OSBPL1A: variants seen among roughly 807,000 people sequenced by gnomAD.
The protein encoded by OSBPL1A is oxysterol-binding protein-related protein 1.
OSBPL1A carries 80 observed loss-of-function variants against 137.1 expected under a neutral mutation model. That is an observed-to-expected ratio of 0.58 (90% CI 0.49 to 0.70). The LOEUF is 0.70. OSBPL1A is among the 30% of genes least tolerant of loss of function. The pLI is 0.00. For missense variants in OSBPL1A, 970 were observed against 1,129.4 expected (o/e 0.86, Z 2.02); for synonymous variants, 365 against 389.7 (o/e 0.94, Z 0.75).
At position 24,377,468 on chromosome 18, in the gene OSBPL1A, TCTTA is replaced by T. The variant is rs1906272539; in HGVS notation, c.62_65del (p.Val21AspfsTer4). The T allele has an allele frequency of 1.2e-6, 2 of 1,612,778 alleles. No individual in the cohort carries two copies. The highest frequency in any genetic ancestry group is 1.3e-5 in the African/African-American group (1 of 75,030). ...TCCTCGCCATGGTCTCTAATAGTTGTCTTACTTCTTCAGCATTGCCATTTCTGGC... is the reference window on the plus strand; with the variant it reads ...TCCTCGCCATGGTCTCTAATAGTTGTCTTCTTCAGCATTGCCATTTCTGGC... On this transcript the variant is annotated frameshift_variant, in exon 2 of 28. Coordinates refer to ENST00000319481, the MANE Select transcript of OSBPL1A (RefSeq NM_080597.4). LOFTEE classifies it high-confidence loss of function.
At chr18:24,292,155 C>T (rs1439767732) in intron 14 of OSBPL1A, among the ~76,000 whole-genome samples, 1 of 152,118 alleles carries the variant, frequency 6.6e-6, no homozygotes, top group African/African-American at 2.4e-5. Context: ...TGGAAGATAA[C>T]TATAACCCAG....
At chr18:24,258,485 G>A (rs2089348610) in intron 15 of OSBPL1A, among the ~76,000 whole-genome samples, 1 of 152,148 alleles carries the variant, frequency 6.6e-6, no homozygotes, top group African/African-American at 2.4e-5. Context: ...AAGGGTAGTG[G>A]GGCAGGGTTG....
Position 24,294,317 on chromosome 18 carries a change from C to G in OSBPL1A, c.1174+9320G>C, listed in dbSNP as rs547537068. Among the ~76,000 whole-genome samples the G allele has an allele frequency of 2.0e-5, 3 of 152,050 alleles. No individual in the cohort carries two copies. In the East Asian group the frequency reaches 5.8e-4, roughly 29 times the overall value. On this transcript the variant is annotated intron_variant, in intron 14 of 27. Coordinates refer to ENST00000319481, the MANE Select transcript of OSBPL1A (RefSeq NM_080597.4). ...CGCGATCTCGGCTCACTGCAACCTCCTCCTCCTGGGTTCAAGCGATTCTTC... is the reference window on the plus strand; with the variant it reads ...CGCGATCTCGGCTCACTGCAACCTCGTCCTCCTGGGTTCAAGCGATTCTTC...
chr18:24,210,251 C>A (rs1474473697), intron 17 of OSBPL1A, among the ~76,000 whole-genome samples: 1 of 151,916 alleles, frequency 6.6e-6, no homozygotes, highest in African/African-American at 2.4e-5. Context: ...ATGTTGAAAC[C>A]CCGTCTCTAC....
At chr18:24,318,526 A>G (rs1414527741) in intron 9 of OSBPL1A, 75 bp downstream of exon 9, 1 of 1,272,306 alleles carries the variant, frequency 7.9e-7, no homozygotes, top group African/African-American at 1.5e-5. Context: ...TGATTTTTTA[A>G]AAGTTTTAAA....
At chr18:24,380,714 G>T (rs1048603690) in intron 1 of OSBPL1A, among the ~76,000 whole-genome samples, 2 of 152,212 alleles carry the variant, frequency 1.3e-5, no homozygotes, top group East Asian at 3.9e-4. Context: ...CACTTTGGGA[G>T]ACTGAGGCGG....
At chr18:24,224,699 C>A (rs1187218318) in intron 17 of OSBPL1A, among the ~76,000 whole-genome samples, 1 of 152,138 alleles carries the variant, frequency 6.6e-6, no homozygotes, top group East Asian at 1.9e-4. Context: ...ACTAAAATAG[C>A]AATGGAAGGC....
chr18:24,176,874 C>T (rs991565762), intron 21 of OSBPL1A, among the ~76,000 whole-genome samples: 5 of 152,144 alleles, frequency 3.3e-5, no homozygotes, highest in African/African-American at 4.8e-5. Context: ...CATAATGCAG[C>T]TTCAGGGGAC....
chr18:24,247,528 T>TCTCAGCTCACTGCAAC (rs1459307636), intron 15 of OSBPL1A, among the ~76,000 whole-genome samples: 4 of 152,280 alleles, frequency 2.6e-5, no homozygotes, highest in African/African-American at 9.6e-5. Context: ...GGCAGTGTGA[T>TCTCAGCTCACTGCAAC]CTCAGCTCAC....
intron 1 of OSBPL1A, among the ~76,000 whole-genome samples, chr18:24,382,727 T>G (rs1304232554): frequency 6.6e-6 from 1 of 151,468 alleles, no homozygotes; most frequent in Non-Finnish European, 1.5e-5. Flanking sequence ...ATACAAAAAT[T>G]AAGCCAGGCA....
At position 24,266,826 on chromosome 18, in the gene OSBPL1A, C is replaced by T. The variant is rs561070530; in HGVS notation, c.1281+14016G>A. Among the ~76,000 whole-genome samples the T allele has an allele frequency of 1.4e-3, 213 of 151,954 alleles. 2 individuals are homozygous for T. The highest frequency in any genetic ancestry group is 4.8e-3 in the African/African-American group (200 of 41,452). Reference sequence around the variant, plus strand: ...GAAATTACAAAAAATGCTAGAACTACGAAATATACAACTAGAAATCCAGAA... The same window carrying T: ...GAAATTACAAAAAATGCTAGAACTATGAAATATACAACTAGAAATCCAGAA... On this transcript the variant is annotated intron_variant, in intron 15 of 27. Transcript: ENST00000319481.
rs1041761441 is a variant in OSBPL1A, at chr18:24,271,523, T to C, written c.1281+9319A>G. The C allele has an allele frequency of 3.4e-4, 337 of 977,854 alleles. No homozygotes were observed. Among genetic ancestry groups the C allele is most frequent in the Middle Eastern group, 5.2e-4 (1 of 1,924 alleles). The allele number at this position is 977,854 out of a possible 1,614,324, so 60.6% of individuals were successfully genotyped here. ...CTATTCTTGGATCTACTCACATCCC[T>C]GGATCAAGTCTGGCCGCCCTCCCCG... is the stretch of plus-strand genomic sequence containing the variant. On this transcript the variant is annotated intron_variant, in intron 15 of 27. Transcript: ENST00000319481. The surrounding 1 kb of genome is among the most constrained non-coding windows in gnomAD (Gnocchi z 4.0).
At position 24,324,150 on chromosome 18, in the gene OSBPL1A, A is replaced by G. The variant is rs1383285045; in HGVS notation, c.626-5341T>C. Among the ~76,000 whole-genome samples, 104 of 68,732 alleles carry G rather than the reference A, an allele frequency of 1.5e-3. 25 individuals carry two copies. The highest frequency in any genetic ancestry group is 2.7e-3 in the Admixed American group (23 of 8,594). 45.1% of individuals were successfully genotyped at this position (68,732 alleles called of 152,430 possible). A position where few individuals can be genotyped will look rare whatever the true frequency, so the allele number is the denominator to read the frequency against. Reference sequence around the variant, plus strand: ...AGGCAGAGAACTGCTTGAACCCGGGAGGCGGAGGTTGCAGTGAGCTGAGAT... The same window carrying G: ...AGGCAGAGAACTGCTTGAACCCGGGGGGCGGAGGTTGCAGTGAGCTGAGAT... On this transcript the variant is annotated intron_variant, in intron 7 of 27. Transcript: ENST00000319481.
chr18:24,181,138 C>CTCA lies in OSBPL1A; in HGVS notation c.1812+4_1812+6dup, dbSNP rs1275610860. Reference sequence around the variant, plus strand: ...AGAGTTAGACCTTTTCCTCCCTTGGCTCATACCTGCATCCTTTCCACAGGA... The same window carrying CTCA: ...AGAGTTAGACCTTTTCCTCCCTTGGCTCATCATACCTGCATCCTTTCCACAGGA... On this transcript the variant is annotated splice_region_variant and intron_variant, in intron 19 of 27. Transcript: ENST00000319481. The CTCA allele has an allele frequency of 6.2e-7, 1 of 1,613,186 alleles. No homozygotes were observed. Among genetic ancestry groups the CTCA allele is most frequent in the African/African-American group, 1.3e-5 (1 of 75,000 alleles).
chr18:24,210,458 A>C (rs1362576062), intron 17 of OSBPL1A, among the ~76,000 whole-genome samples: 8 of 151,820 alleles, frequency 5.3e-5, no homozygotes, highest in Admixed American at 4.6e-4. Context: ...CAAAACAAAA[A>C]ACAAAAAAAA....
At position 24,358,526 on chromosome 18, in the gene OSBPL1A, A is replaced by G. The variant is rs2091573464; in HGVS notation, c.282+8366T>C. ...TGAGAACAGATCTAGAACAAATTAT[A>G]TGTATATATTTCAAGGCAGTCATTC... On this transcript the variant is annotated intron_variant, in intron 4 of 27. Transcript: ENST00000319481. 7.1e-6 allele frequency: 5 copies of G among 702,166 alleles called. No homozygotes were observed. In the Middle Eastern group the frequency reaches 6.8e-4, roughly 96 times the overall value. 43.5% of individuals were successfully genotyped at this position (702,166 alleles called of 1,614,324 possible). A position where few individuals can be genotyped will look rare whatever the true frequency, so the allele number is the denominator to read the frequency against.
chr18:24,331,333 C>T (rs533868971), intron 7 of OSBPL1A, among the ~76,000 whole-genome samples: 1 of 151,230 alleles, frequency 6.6e-6, no homozygotes, highest in African/African-American at 2.4e-5. Context: ...CTAACCCAGG[C>T]TGGTAGCAGG....
At chr18:24,215,311 G>C (rs1490397503) in intron 17 of OSBPL1A, among the ~76,000 whole-genome samples, 1 of 152,044 alleles carries the variant, frequency 6.6e-6, no homozygotes. Context: ...TCAAATCCTG[G>C]CTGAACACTG....
chr18:24,260,494 C>T (rs1315176024), intron 15 of OSBPL1A, among the ~76,000 whole-genome samples: 1 of 152,144 alleles, frequency 6.6e-6, no homozygotes, highest in Middle Eastern at 3.2e-3. Flanking sequence ...CTTATACATG[C>T]TACAATGCGC....
Sources: gnomAD v4.1 joint callset for allele counts (sites outside exome capture counted in the v4.1 genomes callset) on GRCh38, gnomAD v4.1.1 for gene constraint, Gnocchi (gnomAD v3.1) non-coding constraint, MANE v1.5 for transcripts, NCBI Gene and HGNC (gene_info 2026-07-23, HGNC 2026-07-21) for gene names.